KCNB2: variants seen among roughly 807,000 people sequenced by gnomAD.
KCNB2 encodes the protein delayed rectifier potassium channel protein.
Under a neutral mutation model 61.5 loss-of-function variants are expected in KCNB2, and 15 were observed. The ratio of observed to expected loss-of-function variants is 0.24; its 90% CI spans 0.16 to 0.38. KCNB2 has a LOEUF of 0.38. Among genes scored for constraint, KCNB2 ranks in the 10% least tolerant of loss-of-function variants. The pLI is 1.00. For missense variants in KCNB2, 828 were observed against 1,125.2 expected, an observed-to-expected ratio of 0.74 and a Z score of 3.78; for synonymous variants, 457 against 446.0, an observed-to-expected ratio of 1.02 and a Z score of -0.31.
chr8:72,752,463 AGG>A (rs1169409566), intron 2 of KCNB2, among the ~76,000 whole-genome samples: 1 of 152,164 alleles, frequency 6.6e-6, no homozygotes, highest in Non-Finnish European at 1.5e-5. Flanking sequence ...ATGCAGAGGA[AGG>A]AATTTGTCCT....
chr8:72,748,961 C>T (rs746249971), intron 2 of KCNB2, among the ~76,000 whole-genome samples: 2 of 151,960 alleles, frequency 1.3e-5, no homozygotes, highest in Admixed American at 6.6e-5. Flanking sequence ...TTATTCCTCC[C>T]GTCTAACTGA....
At chr8:72,585,666 C>T (rs755326456) in intron 2 of KCNB2, among the ~76,000 whole-genome samples, 12 of 152,052 alleles carry the variant, frequency 7.9e-5, no homozygotes, top group South Asian at 2.1e-4. Context: ...TGATGCCCAA[C>T]GGATGTTTTC....
intron 2 of KCNB2, among the ~76,000 whole-genome samples, chr8:72,584,118 G>GA (rs1014057341): frequency 6.6e-6 from 1 of 150,690 alleles, no homozygotes; most frequent in Non-Finnish European, 1.5e-5. Context: ...AAAAAAAACA[G>GA]AAAAAAACCG....
chr8:72,620,546 C>T (rs1805698939), intron 2 of KCNB2, among the ~76,000 whole-genome samples: 2 of 152,180 alleles, frequency 1.3e-5, no homozygotes, highest in African/African-American at 4.8e-5. Context: ...TAACTGAAGC[C>T]TTTCCCTTTA....
At chr8:72,787,654 T>G (rs1808865830) in intron 2 of KCNB2, among the ~76,000 whole-genome samples, 1 of 152,110 alleles carries the variant, frequency 6.6e-6, no homozygotes, top group African/African-American at 2.4e-5. Context: ...ATGGTAGATT[T>G]CAGAGTAAAG....
intron 2 of KCNB2, among the ~76,000 whole-genome samples, chr8:72,742,168 A>G (rs1046221287): frequency 6.6e-6 from 1 of 152,186 alleles, no homozygotes; most frequent in African/African-American, 2.4e-5. Flanking sequence ...TTATATTGTT[A>G]TGGTTTCAAT....
At position 72,575,974 on chromosome 8, in the gene KCNB2, C is replaced by T. The variant is rs1012709975; in HGVS notation, c.579+7661C>T. 2.5e-4 allele frequency among the ~76,000 whole-genome samples: 38 copies of T among 152,126 alleles called. 1 individual carries two copies. Among genetic ancestry groups the T allele is most frequent in the African/African-American group, 9.2e-4 (38 of 41,430 alleles). Reference sequence around the variant, plus strand: ...TTGCTAACTGATCCCAAGTAAGAGCCATTCCTAACAGAGAGACTCTGTCTG... The same window carrying T: ...TTGCTAACTGATCCCAAGTAAGAGCTATTCCTAACAGAGAGACTCTGTCTG... On this transcript the variant is annotated intron_variant, in intron 2 of 2. Transcript: ENST00000523207.
chr8:72,544,505 A>C (rs1300418460), intron 1 of KCNB2, among the ~76,000 whole-genome samples: 2 of 152,226 alleles, frequency 1.3e-5, no homozygotes, highest in African/African-American at 4.8e-5. Context: ...GGAGTCTTTC[A>C]AGGAATACAA....
At chr8:72,713,619 C>A (rs1807366073) in intron 2 of KCNB2, among the ~76,000 whole-genome samples, 1 of 152,174 alleles carries the variant, frequency 6.6e-6, no homozygotes, top group Admixed American at 6.5e-5. Flanking sequence ...AGAAGGAAAA[C>A]TAACAAACAG....
intron 2 of KCNB2, among the ~76,000 whole-genome samples, chr8:72,576,774 G>A (rs1490001319): frequency 6.6e-6 from 1 of 152,164 alleles, no homozygotes; most frequent in Non-Finnish European, 1.5e-5. Flanking sequence ...GAGTTTATAA[G>A]CAAAACATTG....
rs199938168 is a variant in KCNB2, at chr8:72,592,389, G to T, written c.579+24076G>T. 7.2e-5 allele frequency among the ~76,000 whole-genome samples: 11 copies of T among 152,128 alleles called. No homozygotes were observed. The East Asian group carries it at 2.1e-3, about 29-fold the overall frequency. ...TATCTGCATGTCATAGGGGTTAGCT[G>T]AAAACTATTAAGACTTGGGGTTAAA... On this transcript the variant is annotated intron_variant, in intron 2 of 2. Coordinates refer to ENST00000523207, the MANE Select transcript of KCNB2 (RefSeq NM_004770.3).
chr8:72,651,311 A>G (rs549889840), intron 2 of KCNB2, among the ~76,000 whole-genome samples: 35 of 152,264 alleles, frequency 2.3e-4, no homozygotes, highest in African/African-American at 5.3e-4. Flanking sequence ...ATAATTTTCA[A>G]TGAGGGCCTA....
chr8:72,732,964 C>T (rs1807773284), intron 2 of KCNB2, among the ~76,000 whole-genome samples: 1 of 151,666 alleles, frequency 6.6e-6, no homozygotes, highest in Non-Finnish European at 1.5e-5. Flanking sequence ...CAGCACCTAG[C>T]ACTCTGCCTG....
intron 2 of KCNB2, among the ~76,000 whole-genome samples, chr8:72,896,449 G>A (rs561622292): frequency 2.0e-5 from 3 of 152,212 alleles, no homozygotes; most frequent in African/African-American, 4.8e-5. Flanking sequence ...TAAATGAAAC[G>A]TTCAAATTAT....
At chr8:72,863,863 G>T (rs1025124579) in intron 2 of KCNB2, among the ~76,000 whole-genome samples, 33 of 152,184 alleles carry the variant, frequency 2.2e-4, no homozygotes, top group Non-Finnish European at 4.4e-4. Context: ...AAATAGCCAG[G>T]TGTGGTGGCA....
Position 72,892,312 on chromosome 8 carries a change from G to A in KCNB2, c.580-43623G>A, listed in dbSNP as rs765310486. Among the ~76,000 whole-genome samples, 4 of 152,138 alleles carry A rather than the reference G, an allele frequency of 2.6e-5. No individual in the cohort carries two copies. The South Asian group carries it at 8.3e-4, about 32-fold the overall frequency. On this transcript the variant is annotated intron_variant, in intron 2 of 2. Transcript: ENST00000523207. ...GTGTGTGTGGAAGGCAGCCCCAGAA[G>A]CAGTGACCTTAGGAAGGGTTCCAAG...
intron 2 of KCNB2, among the ~76,000 whole-genome samples, chr8:72,738,887 G>T (rs1807896514): frequency 6.6e-6 from 1 of 151,926 alleles, no homozygotes; most frequent in Admixed American, 6.6e-5. Context: ...CTTCAATAGG[G>T]GCATCTGGGA....
intron 2 of KCNB2, among the ~76,000 whole-genome samples, chr8:72,585,443 TTCTC>T (rs1250574552): frequency 6.6e-6 from 1 of 152,250 alleles, no homozygotes; most frequent in East Asian, 1.9e-4. Context: ...TTGTTTTATC[TTCTC>T]TCTCTTTCTG....
At chr8:72,593,294 A>G (rs1807130286) in intron 2 of KCNB2, among the ~76,000 whole-genome samples, 2 of 152,248 alleles carry the variant, frequency 1.3e-5, no homozygotes, top group South Asian at 4.1e-4. Flanking sequence ...AGACTTATTC[A>G]AAGACTTTTA....
Sources: gnomAD v4.1 joint callset for allele counts (sites outside exome capture counted in the v4.1 genomes callset) on GRCh38, gnomAD v4.1.1 for gene constraint, MANE v1.5 for transcripts, NCBI Gene and HGNC (gene_info 2026-07-23, HGNC 2026-07-21) for gene names.